ASIC2: variants seen among roughly 807,000 people sequenced by gnomAD.
ASIC2 encodes the protein acid sensing ion channel subunit 2, also known as acid-sensing ion channel 2.
ASIC2 carries 25 observed loss-of-function variants against 57.3 expected under a neutral mutation model. The ratio of observed to expected loss-of-function variants is 0.44; its 90% CI spans 0.32 to 0.61. ASIC2 has a LOEUF of 0.61. Ranked by LOEUF, ASIC2 falls within the 20% of genes least tolerant of loss-of-function variation. The pLI, the probability that ASIC2 is intolerant of heterozygous loss-of-function variation, is 0.06. For missense variants in ASIC2, 641 were observed against 738.1 expected, an observed-to-expected ratio of 0.87 and a Z score of 1.52; for synonymous variants, 319 against 307.5, an observed-to-expected ratio of 1.04 and a Z score of -0.39.
At chr17:34,132,953 A>G (rs77103964) in intron 1 of ASIC2, among the ~76,000 whole-genome samples, 2,413 of 152,316 alleles carry the variant, frequency 0.016, 63 homozygotes, top group African/African-American at 0.054. Context: ...CTAGGCCCCA[A>G]TCTAACCCAT....
chr17:33,579,794 C>T (rs564896684), intron 1 of ASIC2, among the ~76,000 whole-genome samples: 14 of 152,180 alleles, frequency 9.2e-5, no homozygotes, highest in African/African-American at 2.2e-4. Context: ...ACTACCACAC[C>T]GTGAAAAACA....
chr17:34,019,555 G>A (rs1907084987), intron 1 of ASIC2, among the ~76,000 whole-genome samples: 1 of 152,190 alleles, frequency 6.6e-6, no homozygotes, highest in Non-Finnish European at 1.5e-5. Flanking sequence ...GATTATAACT[G>A]GATGAAGGTT....
intron 1 of ASIC2, among the ~76,000 whole-genome samples, chr17:33,404,760 G>T (rs146473424): frequency 1.3e-5 from 2 of 152,198 alleles, no homozygotes; most frequent in Non-Finnish European, 2.9e-5. Context: ...TTTTGCCACT[G>T]TCACTATATT....
intron 1 of ASIC2, among the ~76,000 whole-genome samples, chr17:33,780,756 CTG>C (rs1340721612): frequency 6.6e-6 from 1 of 152,214 alleles, no homozygotes. Context: ...GTGGAGGACT[CTG>C]AGCAGGGAAG....
chr17:33,896,974 G>A (rs1414005390), intron 1 of ASIC2, among the ~76,000 whole-genome samples: 1 of 152,212 alleles, frequency 6.6e-6, no homozygotes, highest in Admixed American at 6.5e-5. Context: ...GGATAAAGGA[G>A]AAGCTAGTTG....
intron 1 of ASIC2, among the ~76,000 whole-genome samples, chr17:33,171,324 T>C (rs1186182988): frequency 1.3e-5 from 2 of 152,234 alleles, no homozygotes; most frequent in African/African-American, 2.4e-5. Flanking sequence ...TCCCATTGCT[T>C]ACTTAATATG....
intron 1 of ASIC2, among the ~76,000 whole-genome samples, chr17:33,647,023 T>C (rs1226341426): frequency 1.3e-5 from 2 of 152,034 alleles, no homozygotes; most frequent in Admixed American, 6.6e-5. Context: ...AGGGACAGCT[T>C]TCCCACCAGG....
At chr17:33,573,177 T>A (rs1213903386) in intron 1 of ASIC2, among the ~76,000 whole-genome samples, 3 of 152,198 alleles carry the variant, frequency 2.0e-5, no homozygotes, top group Non-Finnish European at 4.4e-5. Flanking sequence ...GAATCCAGAA[T>A]AAGATGGACT....
intron 1 of ASIC2, among the ~76,000 whole-genome samples, chr17:33,211,074 C>T (rs1434715716): frequency 6.6e-6 from 1 of 151,746 alleles, no homozygotes; most frequent in Non-Finnish European, 1.5e-5. Context: ...ATGTGGTGGA[C>T]TTAATGAGTC....
chr17:33,397,018 T>C (rs1010292648), intron 1 of ASIC2, among the ~76,000 whole-genome samples: 1 of 152,208 alleles, frequency 6.6e-6, no homozygotes, highest in Non-Finnish European at 1.5e-5. Flanking sequence ...ACAAATGTCA[T>C]CAAACACTAG....
At chr17:33,842,530 G>A (rs572460542) in intron 1 of ASIC2, among the ~76,000 whole-genome samples, 1 of 152,310 alleles carries the variant, frequency 6.6e-6, no homozygotes, top group South Asian at 2.1e-4. Context: ...ACCTGAGACA[G>A]GGCTGGGACG....
chr17:33,434,644 C>T (rs1911542273), intron 1 of ASIC2, among the ~76,000 whole-genome samples: 1 of 152,086 alleles, frequency 6.6e-6, no homozygotes. Flanking sequence ...GGTAACTCAT[C>T]GATATACAAG....
chr17:33,123,901 G>A (rs577333930), intron 1 of ASIC2, among the ~76,000 whole-genome samples: 1 of 152,336 alleles, frequency 6.6e-6, no homozygotes, highest in East Asian at 1.9e-4. Context: ...AGTGTGTTGT[G>A]TTGTGTTCCT....
chr17:34,028,980 T>A (rs1408004558), intron 1 of ASIC2, among the ~76,000 whole-genome samples: 3 of 152,176 alleles, frequency 2.0e-5, no homozygotes, highest in African/African-American at 4.8e-5. Flanking sequence ...CCTGGAATAC[T>A]CTTCTTTAGA....
intron 1 of ASIC2, among the ~76,000 whole-genome samples, chr17:33,858,513 G>A (rs1914021710): frequency 6.6e-6 from 1 of 152,240 alleles, no homozygotes; most frequent in South Asian, 2.1e-4. Flanking sequence ...GTTAGCGGGA[G>A]CAGCTTCACA....
intron 1 of ASIC2, among the ~76,000 whole-genome samples, chr17:33,708,709 G>A (rs1172667134): frequency 2.0e-5 from 3 of 152,044 alleles, no homozygotes; most frequent in Non-Finnish European, 4.4e-5. Context: ...CCACTCCAAC[G>A]TCACCACTCT....
chr17:33,912,230 A>G (rs960936573), intron 1 of ASIC2, among the ~76,000 whole-genome samples: 1 of 150,186 alleles, frequency 6.7e-6, no homozygotes, highest in Non-Finnish European at 1.5e-5. Flanking sequence ...GTGGTGGCTC[A>G]CGCCTGTAAT....
chr17:33,767,317 T>G (rs535766707), intron 1 of ASIC2, among the ~76,000 whole-genome samples: 8 of 152,354 alleles, frequency 5.3e-5, no homozygotes, highest in African/African-American at 1.9e-4. Context: ...ATCAGACCAC[T>G]GGAAATGTAC....
chr17:33,381,623 C>A (rs1909492656), intron 1 of ASIC2, among the ~76,000 whole-genome samples: 1 of 152,212 alleles, frequency 6.6e-6, no homozygotes, highest in African/African-American at 2.4e-5. Flanking sequence ...TGATAACACC[C>A]ACTTGGGAAG....
Sources: gnomAD v4.1 joint callset for allele counts (sites outside exome capture counted in the v4.1 genomes callset) on GRCh38, gnomAD v4.1.1 for gene constraint, MANE v1.5 for transcripts, NCBI Gene and HGNC (gene_info 2026-07-23, HGNC 2026-07-21) for gene names.